MBIP: variants seen among roughly 807,000 people sequenced by gnomAD.
The protein encoded by MBIP is MAP3K12 binding inhibitory protein 1, also known as MAP3K12-binding inhibitory protein 1.
MBIP carries 32 observed loss-of-function variants against 45.7 expected under a neutral mutation model. That is an observed-to-expected ratio of 0.70 (90% CI 0.53 to 0.94). MBIP has a LOEUF of 0.94. Among genes scored for constraint, MBIP ranks in the 40% least tolerant of loss-of-function variants. The pLI is 0.00. For synonymous variants in MBIP, 145 were observed against 141.0 expected, an observed-to-expected ratio of 1.03 and a Z score of -0.20; for missense variants, 381 against 405.5, an observed-to-expected ratio of 0.94 and a Z score of 0.52.
At chr14:36,300,357 A>G (rs1001314061) in intron 8 of MBIP, among the ~76,000 whole-genome samples, 4 of 152,228 alleles carry the variant, frequency 2.6e-5, no homozygotes, top group Non-Finnish European at 4.4e-5. Flanking sequence ...AATTCTAGCA[A>G]AGCCTTACTA....
chr14:36,300,947 A>G, intron 7 of MBIP, 124 bp from the exon 8 acceptor site: 1 of 565,980 alleles, frequency 1.8e-6, no homozygotes. Flanking sequence ...CAACCAATTT[A>G]CCAATACCAA....
intron 4 of MBIP, 35 bp from the exon 5 acceptor site, chr14:36,312,059 T>C: frequency 8.3e-7 from 1 of 1,198,500 alleles, no homozygotes; most frequent in Non-Finnish European, 1.2e-6. Context: ...AGTTTAAATA[T>C]ATTCTTCCCT....
intron 4 of MBIP, among the ~76,000 whole-genome samples, chr14:36,312,980 A>C (rs1175030018): frequency 1.3e-5 from 2 of 152,088 alleles, no homozygotes; most frequent in African/African-American, 4.8e-5. Context: ...AGTTAGGTTA[A>C]ATTTGTAGGT....
At chr14:36,299,968 T>C (rs1879438238) in intron 8 of MBIP, among the ~76,000 whole-genome samples, 1 of 152,068 alleles carries the variant, frequency 6.6e-6, no homozygotes, top group Non-Finnish European at 1.5e-5. Flanking sequence ...GGGGGGGCAG[T>C]GATGGAAATG....
chr14:36,315,286 T>C (rs1431024711), intron 2 of MBIP, among the ~76,000 whole-genome samples: 1 of 152,122 alleles, frequency 6.6e-6, no homozygotes, highest in Non-Finnish European at 1.5e-5. Context: ...TTAATTAACA[T>C]GTCATTCAAA....
rs1457798384 is a variant in MBIP at position 36,316,720 on chromosome 14, T to C, written c.222A>G (p.Ala74=). Residue 74 remains alanine (A), a synonymous_variant, in exon 2 of 9, where the codon GCA becomes GCG. Coordinates refer to ENST00000416007, the MANE Select transcript of MBIP (RefSeq NM_016586.3). Reference sequence around the variant, plus strand: ...GTAAATATAAAATGTGTTGTTCAAGTGCACTAAAGAGCAATGCAGGCTGGA... The same window carrying C: ...GTAAATATAAAATGTGTTGTTCAAGCGCACTAAAGAGCAATGCAGGCTGGA... The part of the protein sequence containing the change: ...SAFQPALLFS[A]LEQHILYLQP... 1.9e-6 allele frequency: 3 copies of C among 1,610,326 alleles called. No homozygotes were observed. The South Asian group carries it at 3.3e-5, about 18-fold the overall frequency.
At chr14:36,300,146 T>C (rs1594503659) in intron 8 of MBIP, among the ~76,000 whole-genome samples, 1 of 152,160 alleles carries the variant, frequency 6.6e-6, no homozygotes, top group Admixed American at 6.5e-5. Context: ...TCATAATCAA[T>C]AGTAAAAAAA....
intron 1 of MBIP, 67 bp downstream of exon 1, chr14:36,320,393 G>A (rs559290302): frequency 6.2e-7 from 1 of 1,608,916 alleles, no homozygotes; most frequent in Middle Eastern, 1.7e-4. Flanking sequence ...GCCTCTGCTA[G>A]AGAAAAAGAA....
In MBIP at chr14:36,316,830, A is replaced by G; in HGVS notation, c.130-18T>C. ...AGGTCAAGCTTCAAAGGGGCAAACC[A>G]GCAACATCACAAAAATTACACGATT... On this transcript the variant is annotated intron_variant, in intron 1 of 8. Transcript: ENST00000416007. 1.3e-6 allele frequency: 2 copies of G among 1,589,038 alleles called. No individual in the cohort carries two copies. The highest frequency in any genetic ancestry group is 1.7e-6 in the Non-Finnish European group (2 of 1,170,190).
At chr14:36,314,644 A>C in intron 3 of MBIP, 36 bp from the exon 4 acceptor site, 4 of 1,606,080 alleles carry the variant, frequency 2.5e-6, no homozygotes, top group Non-Finnish European at 3.4e-6. Context: ...TAAACATAAG[A>C]TTTTTTAAAA....
At chr14:36,309,531 C>T (rs759073422) in intron 6 of MBIP, among the ~76,000 whole-genome samples, 12 of 152,156 alleles carry the variant, frequency 7.9e-5, no homozygotes, top group East Asian at 1.9e-4. Flanking sequence ...TTAAAGAATA[C>T]GGGTAAATTT....
rs1879885175 is a variant in MBIP at position 36,306,437 on chromosome 14, A to AT, written c.888+1654dup. Among the ~76,000 whole-genome samples, 5 of 151,278 alleles carry AT rather than the reference A, an allele frequency of 3.3e-5. No individual in the cohort carries two copies. The South Asian group carries it at 8.3e-4, about 25-fold the overall frequency. Reference sequence around the variant, plus strand: ...GCCCAGCTTATTTTTTTTATTTTTTATTTTTTTGTATTTTTAGTAGAGATG... The same window carrying AT: ...GCCCAGCTTATTTTTTTTATTTTTTATTTTTTTTGTATTTTTAGTAGAGATG... On this transcript the variant is annotated intron_variant, in intron 7 of 8. Coordinates refer to ENST00000416007, the MANE Select transcript of MBIP (RefSeq NM_016586.3).
Position 36,300,765 on chromosome 14 carries a change from A to G in MBIP, c.927+20T>C, listed in dbSNP as rs1433178553. The stretch of plus-strand genomic sequence containing the variant: ...TAATCAAACTATTTCAGAAACCAAA[A>G]TGAAAATGCAGTAACTTACTTGAGG... On this transcript the variant is annotated intron_variant, in intron 8 of 8. Transcript: ENST00000416007. 6.5e-7 allele frequency: 1 copy of G among 1,530,422 alleles called. No homozygotes were observed. 94.8% of individuals were successfully genotyped at this position (1,530,422 alleles called of 1,614,324 possible).
At position 36,300,827 on chromosome 14, in the gene MBIP, G is replaced by T; in HGVS notation, c.889-4C>A. The T allele has an allele frequency of 1.4e-6, 2 of 1,465,168 alleles. No individual in the cohort carries two copies. The highest frequency in any genetic ancestry group is 1.8e-6 in the Non-Finnish European group (2 of 1,081,382). 90.8% of individuals were successfully genotyped at this position (1,465,168 alleles called of 1,614,324 possible). ...TTCTTCTTTTTCCAGAAAAGCTCTAGATTAAAAAAAAAAAGGTAATGTTTA... is the reference window on the plus strand; with the variant it reads ...TTCTTCTTTTTCCAGAAAAGCTCTATATTAAAAAAAAAAAGGTAATGTTTA... On this transcript the variant is annotated splice_polypyrimidine_tract_variant and splice_region_variant and intron_variant, in intron 7 of 8. Transcript: ENST00000416007.
chr14:36,301,647 A>C (rs1349917701), intron 7 of MBIP, among the ~76,000 whole-genome samples: 1 of 152,230 alleles, frequency 6.6e-6, no homozygotes, highest in East Asian at 1.9e-4. Context: ...TTAAATCTGA[A>C]GCTTGTGCTA....
intron 1 of MBIP, 111 bp from the exon 2 acceptor site, chr14:36,316,923 T>C: frequency 8.7e-7 from 1 of 1,152,232 alleles, no homozygotes; most frequent in Non-Finnish European, 1.2e-6. Flanking sequence ...TGCTCTAAGT[T>C]ATCAAGTTTT....
At chr14:36,316,368 T>A (rs1880567710) in intron 2 of MBIP, among the ~76,000 whole-genome samples, 1 of 152,158 alleles carries the variant, frequency 6.6e-6, no homozygotes, top group South Asian at 2.1e-4. Context: ...GGAATCATTA[T>A]CATAGCATGA....
intron 1 of MBIP, among the ~76,000 whole-genome samples, chr14:36,317,711 T>C (rs546838011): frequency 6.6e-6 from 1 of 152,222 alleles, no homozygotes; most frequent in South Asian, 2.1e-4. Context: ...CAAAAACTTT[T>C]CTAGGGACAT....
chr14:36,305,763 A>ATC (rs1879832439), intron 7 of MBIP, among the ~76,000 whole-genome samples: 4 of 152,262 alleles, frequency 2.6e-5, no homozygotes, highest in Admixed American at 2.0e-4. Flanking sequence ...CCACAAAAGT[A>ATC]TCTCTCTCTC....
Sources: allele counts gnomAD v4.1 joint callset (sites outside exome capture counted in the v4.1 genomes callset), GRCh38; gene constraint gnomAD v4.1.1; transcripts MANE v1.5; gene names NCBI Gene and HGNC (gene_info 2026-07-23, HGNC 2026-07-21).